Variants in ATP11B observed in about 807,000 individuals in gnomAD.
ATP11B encodes the protein phospholipid-transporting ATPase IF.
Under a neutral mutation model 157.8 loss-of-function variants are expected in ATP11B, and 81 were observed. The observed-to-expected ratio is 0.51, with a 90% CI of 0.43 to 0.62. ATP11B has a LOEUF of 0.62. ATP11B is among the 20% of genes least tolerant of loss of function. The pLI is 0.00. For missense variants in ATP11B, 1,165 were observed against 1,402.2 expected (o/e 0.83, Z 2.70); for synonymous variants, 451 against 469.4 (o/e 0.96, Z 0.51).
At chr3:182,881,549 AAAAG>A (rs1259850240) in intron 21 of ATP11B, among the ~76,000 whole-genome samples, 168 of 152,308 alleles carry the variant, frequency 1.1e-3, no homozygotes, top group Non-Finnish European at 2.0e-3. Flanking sequence ...CAAAAAAAAA[AAAAG>A]AAACTTCCTA....
chr3:182,879,514 G>A lies in ATP11B; in HGVS notation c.2271G>A (p.Val757=). 2 of 1,604,394 alleles carry A rather than the reference G, an allele frequency of 1.2e-6. No homozygotes were observed. The highest frequency in any genetic ancestry group is 1.7e-6 in the Non-Finnish European group (2 of 1,177,478). Residue 757 remains valine, a synonymous_variant, in exon 20 of 30, where the codon GTG becomes GTA. Transcript: ENST00000323116. ...QLARRITEDH[V]IQHGLVVDGT... ...CTTTTAGAATTACAGAGGATCATGT[G>A]ATTCAGCATGGGCTGGTAGTGGATG...
chr3:182,815,151 CCT>C (rs1716898262), intron 1 of ATP11B, among the ~76,000 whole-genome samples: 1 of 152,114 alleles, frequency 6.6e-6, no homozygotes, highest in African/African-American at 2.4e-5. Context: ...CCAACTCACC[CCT>C]GCACTAAGCC....
Position 182,859,282 on chromosome 3 carries a change from G to T in ATP11B, c.1123G>T (p.Asp375Tyr). ...KFLGSFFIGW[D>Y]LDLYHEESDQ... Reference sequence around the variant, plus strand: ...TCTTGGATCATTTTTTATTGGCTGGGATCTTGATCTGTATCATGAAGAATC... The same window carrying T: ...TCTTGGATCATTTTTTATTGGCTGGTATCTTGATCTGTATCATGAAGAATC... Residue 375 changes from aspartate to tyrosine, a missense_variant, in exon 12 of 30, where the codon GAT (aspartate) becomes TAT (tyrosine). Asp to Tyr is a radical substitution (Grantham distance 160, BLOSUM62 -3). Around this residue, in one of 4 missense-constraint regions of ATP11B, gnomAD observed 737 missense variants for 930.5 expected, o/e 0.79. Coordinates refer to ENST00000323116, the MANE Select transcript of ATP11B (RefSeq NM_014616.3). The T allele has an allele frequency of 1.2e-6, 2 of 1,611,554 alleles. No homozygotes were observed. The highest frequency in any genetic ancestry group is 1.7e-6 in the Non-Finnish European group (2 of 1,178,624).
At chr3:182,867,310 T>TA (rs1336846759) in intron 14 of ATP11B, 66 bp from the exon 15 acceptor site, 1 of 913,796 alleles carries the variant, frequency 1.1e-6, no homozygotes, top group Non-Finnish European at 1.8e-6. Context: ...AGTTAAGCTA[T>TA]AGTGACATTG....
chr3:182,910,974 A>G (rs1162672525), intron 28 of ATP11B, among the ~76,000 whole-genome samples: 1 of 152,226 alleles, frequency 6.6e-6, no homozygotes, highest in Non-Finnish European at 1.5e-5. Flanking sequence ...TAAATTATTG[A>G]ATTTAACAGT....
intron 1 of ATP11B, among the ~76,000 whole-genome samples, chr3:182,795,113 A>G (rs1248626929): frequency 6.6e-6 from 1 of 152,140 alleles, no homozygotes; most frequent in African/African-American, 2.4e-5. Context: ...TTAGCATTGT[A>G]AATTCAGATA....
Position 182,810,445 on chromosome 3 carries a change from CT to C in ATP11B, c.28-9805del, listed in dbSNP as rs796105003. Among the ~76,000 whole-genome samples the C allele has an allele frequency of 6.0e-3, 895 of 150,008 alleles. 4 individuals are homozygous for C. Among genetic ancestry groups the C allele is most frequent in the South Asian group, 0.027 (129 of 4,712 alleles). ...AGCAATAGTTTAGGATTTACTGAGT[CT>C]TTTTTTTTTCTCTTTACCCTGCGTA... is the stretch of plus-strand genomic sequence containing the variant. On this transcript the variant is annotated intron_variant, in intron 1 of 29. Coordinates refer to ENST00000323116, the MANE Select transcript of ATP11B (RefSeq NM_014616.3).
rs746066407 is a variant in ATP11B, at chr3:182,867,457, C to T, written c.1688+13C>T. On this transcript the variant is annotated intron_variant, in intron 15 of 29. Transcript: ENST00000323116. The stretch of plus-strand genomic sequence containing the variant: ...GAAAACTGGAACGGTAATTTTTTTT[C>T]ATATATTGGAATGTTTTCTGTGTTA... 1.3e-6 allele frequency: 2 copies of T among 1,548,846 alleles called. No individual in the cohort carries two copies. The highest frequency in any genetic ancestry group is 3.4e-5 in the Admixed American group (2 of 59,662).
Position 182,829,552 on chromosome 3 carries a change from T to C in ATP11B, c.235-120T>C. ...CAACCCCACATAATAGCCAACAAAG[T>C]GAAGTTGTGAAATCGTGAACTAAAG... On this transcript the variant is annotated intron_variant, in intron 3 of 29. Transcript: ENST00000323116. The C allele has an allele frequency of 5.6e-6, 4 of 709,242 alleles. No individual in the cohort carries two copies. The South Asian group carries it at 7.5e-5, about 13-fold the overall frequency. The allele number at this position is 709,242 out of a possible 1,614,324, so 43.9% of individuals were successfully genotyped here.
In ATP11B at chr3:182,842,137, G is replaced by C; in HGVS notation, c.704+15G>C. 6.3e-7 allele frequency: 1 copy of C among 1,574,976 alleles called. No individual in the cohort carries two copies. On this transcript the variant is annotated intron_variant, in intron 8 of 29. Transcript: ENST00000323116. ...GAAATTGTAAGGTAAGAATTAATTT[G>C]TGTTATCTAATTACCTTTAAATGGG...
In ATP11B at chr3:182,820,289, A is replaced by G. The variant is rs759464404; in HGVS notation, c.57A>G (p.Thr19=). 7 of 1,614,110 alleles carry G rather than the reference A, an allele frequency of 4.3e-6. No individual in the cohort carries two copies. The highest frequency in any genetic ancestry group is 5.9e-6 in the Non-Finnish European group (7 of 1,179,944). Residue 19 remains threonine, a synonymous_variant, in exon 2 of 30, where the codon ACA becomes ACG. Coordinates refer to ENST00000323116, the MANE Select transcript of ATP11B (RefSeq NM_014616.3). ...TTGACCCACCACATCAGAGTGACAC[A>G]AGAACCATCTACGTAGCCAACAGGT... The part of the protein sequence containing the change: ...LGFDPPHQSD[T]RTIYVANRFP...
Position 182,869,113 on chromosome 3 carries a change from A to G in ATP11B, c.1724A>G (p.Asp575Gly). 1 of 1,611,536 alleles carries G rather than the reference A, an allele frequency of 6.2e-7. No individual in the cohort carries two copies. Among genetic ancestry groups the G allele is most frequent in the Non-Finnish European group, 8.5e-7 (1 of 1,178,790 alleles). The change falls in exon 16 of 30, where the codon GAT (aspartate) becomes GGT (glycine). Residue 575 changes from aspartate (D) to glycine (G), a missense_variant. Coordinates refer to ENST00000323116, the MANE Select transcript of ATP11B (RefSeq NM_014616.3). ...KLLHILEFDS[D>G]RRRMSVIVQA... ...CTTCATATTCTGGAATTTGATTCAG[A>G]TCGTAGGAGAATGAGTGTAATTGTT...
intron 4 of ATP11B, among the ~76,000 whole-genome samples, chr3:182,831,342 C>T (rs1441389687): frequency 6.6e-6 from 1 of 152,158 alleles, no homozygotes; most frequent in Non-Finnish European, 1.5e-5. Flanking sequence ...CATCTTTTGT[C>T]TGGACAATTG....
rs549838649 is a variant in ATP11B at position 182,801,531 on chromosome 3, G to A, written c.27+7745G>A. ...ATAATGAGCCCCTTTATGGTATAAAGTTGGGCAAATGGTATAATTTATCCT... is the reference window on the plus strand; with the variant it reads ...ATAATGAGCCCCTTTATGGTATAAAATTGGGCAAATGGTATAATTTATCCT... On this transcript the variant is annotated intron_variant, in intron 1 of 29. Coordinates refer to ENST00000323116, the MANE Select transcript of ATP11B (RefSeq NM_014616.3). Among the ~76,000 whole-genome samples the A allele has an allele frequency of 7.4e-4, 112 of 152,276 alleles. 2 individuals carry two copies. The highest frequency in any genetic ancestry group is 4.0e-4 in the Non-Finnish European group (27 of 68,026).
rs563630932 is a variant in ATP11B at position 182,852,389 on chromosome 3, AAG to A, written c.851+3835_851+3836del. On this transcript the variant is annotated intron_variant, in intron 10 of 29. Transcript: ENST00000323116. ...AAAAAATTACGAATGTCAGGGATGAAAGAGGGGATAGCTCCATAGATGCTACA... is the reference window on the plus strand; with the variant it reads ...AAAAAATTACGAATGTCAGGGATGAAAGGGGATAGCTCCATAGATGCTACA... 2.2e-4 allele frequency among the ~76,000 whole-genome samples: 34 copies of A among 152,332 alleles called. No homozygotes were observed. The South Asian group carries it at 6.0e-3, about 27-fold the overall frequency.
rs773539019 is a variant in ATP11B, at chr3:182,913,857, G to A, written c.3319-4G>A. On this transcript the variant is annotated splice_region_variant and splice_polypyrimidine_tract_variant and intron_variant, in intron 28 of 29. Coordinates refer to ENST00000323116, the MANE Select transcript of ATP11B (RefSeq NM_014616.3). ...ACTGATGTTTTCTGCTTCACCTCCC[G>A]CAGCTTACTGAAACAAATGCAGGTA... 12 of 1,613,778 alleles carry A rather than the reference G, an allele frequency of 7.4e-6. No individual in the cohort carries two copies. Among genetic ancestry groups the A allele is most frequent in the South Asian group, 2.2e-5 (2 of 91,088 alleles).
intron 28 of ATP11B, among the ~76,000 whole-genome samples, chr3:182,907,714 T>G (rs114750767): frequency 4.6e-5 from 7 of 152,346 alleles, no homozygotes; most frequent in African/African-American, 1.7e-4. Context: ...ATGCCTTGGA[T>G]AGTCTACAAA....
chr3:182,846,514 T>C (rs542789277), intron 9 of ATP11B, among the ~76,000 whole-genome samples: 2 of 152,312 alleles, frequency 1.3e-5, no homozygotes, highest in East Asian at 3.9e-4. Flanking sequence ...AAACGAAAAC[T>C]TCTACAAGAA....
chr3:182,800,337 T>G (rs1190270498), intron 1 of ATP11B, among the ~76,000 whole-genome samples: 1 of 151,430 alleles, frequency 6.6e-6, no homozygotes. Context: ...TCCTCCTGCC[T>G]CAGCCTCCTG....
Sources: allele counts gnomAD v4.1 joint callset (sites outside exome capture counted in the v4.1 genomes callset), GRCh38; gene constraint gnomAD v4.1.1; regional missense constraint gnomAD v4.1.1; transcripts MANE v1.5; gene names NCBI Gene and HGNC (gene_info 2026-07-23, HGNC 2026-07-21).